Variants in CFAP74 observed in about 807,000 individuals in gnomAD.
CFAP74 encodes cilia and flagella associated protein 74.
Under a neutral mutation model 188.9 loss-of-function variants are expected in CFAP74, and 124 were observed. That is an observed-to-expected ratio of 0.66 (90% CI 0.57 to 0.76). CFAP74 has a LOEUF of 0.76. Among genes scored for constraint, CFAP74 ranks in the 30% least tolerant of loss-of-function variants. CFAP74 has a pLI of 0.00. For missense variants in CFAP74, 2,198 were observed against 2,165.2 expected (o/e 1.02, Z -0.30); for synonymous variants, 956 against 916.7 (o/e 1.04, Z -0.77).
chr1:1,938,114 T>C (rs979471903), intron 25 of CFAP74, among the ~76,000 whole-genome samples: 4 of 111,772 alleles, frequency 3.6e-5, no homozygotes, highest in African/African-American at 1.1e-4. Context: ...CCCACATACA[T>C]GCACTCACAT....
chr1:1,952,524 T>C (rs1442136468), intron 18 of CFAP74, among the ~76,000 whole-genome samples: 15 of 146,852 alleles, frequency 1.0e-4, no homozygotes, highest in Admixed American at 8.8e-4. Context: ...GTATAACACA[T>C]TGATGAGCAA....
intron 1 of CFAP74, among the ~76,000 whole-genome samples, chr1:1,993,956 T>C (rs565837922): frequency 1.7e-4 from 26 of 151,032 alleles, no homozygotes; most frequent in African/African-American, 6.1e-4. Context: ...CACTCCAGCC[T>C]GGGCGACAGA....
At chr1:1,924,050 G>T in intron 34 of CFAP74, 121 bp from the exon 35 acceptor site, 1 of 986,580 alleles carries the variant, frequency 1.0e-6, no homozygotes, top group Non-Finnish European at 1.4e-6. Context: ...TGTCCTGCCC[G>T]GTCCCCCCAA....
chr1:2,002,536 C>G (rs956838820), intron 1 of CFAP74, among the ~76,000 whole-genome samples: 1 of 151,086 alleles, frequency 6.6e-6, no homozygotes, highest in African/African-American at 2.4e-5. Context: ...CAAAAATTAG[C>G]CAGGCATGCT....
intron 12 of CFAP74, 28 bp from the exon 13 acceptor site, chr1:1,965,089 G>T: frequency 6.3e-7 from 1 of 1,598,926 alleles, no homozygotes; most frequent in Non-Finnish European, 8.5e-7. Flanking sequence ...AGAGGCTGGG[G>T]CTGTTAGCGG....
Position 1,924,512 on chromosome 1 carries a change from G to T in CFAP74, c.4113C>A (p.Asn1371Lys). Residue 1371 changes from asparagine to lysine, a missense_variant, in exon 34 of 39, where the codon AAC (asparagine) becomes AAA (lysine). Physicochemically the swap from Asn to Lys is moderately conservative, Grantham distance 94. Transcript: ENST00000682832. ...AGAACTTGATGGGGAGCAGAGAGTT[G>T]TTCTGCAGCTGCAGAGAGCAGGCCG... is the stretch of plus-strand genomic sequence containing the variant. ...ESVSSGFKLQ[N>K]NSLLPIKFSM... 1.2e-6 allele frequency: 2 copies of T among 1,605,262 alleles called. No homozygotes were observed. The highest frequency in any genetic ancestry group is 1.7e-6 in the Non-Finnish European group (2 of 1,176,792).
intron 25 of CFAP74, among the ~76,000 whole-genome samples, chr1:1,936,300 C>A (rs1323712289): frequency 6.6e-6 from 1 of 151,700 alleles, no homozygotes; most frequent in Non-Finnish European, 1.5e-5. Flanking sequence ...AATCCCAGCA[C>A]TTTGGGAGGC....
At chr1:1,946,030 G>A (rs1009361883) in intron 20 of CFAP74, among the ~76,000 whole-genome samples, 2 of 151,276 alleles carry the variant, frequency 1.3e-5, no homozygotes, top group Non-Finnish European at 2.9e-5. Context: ...GCGTGTGTAC[G>A]TGTGTGTGGG....
chr1:1,923,726 C>T lies in CFAP74; in HGVS notation c.4389+49G>A, dbSNP rs376247252. Reference sequence around the variant, plus strand: ...CAGTGCAGCCAAAGGCAAGGCCCTGCGTGGGGCCAGGGCCGGGCCGGGCTG... The same window carrying T: ...CAGTGCAGCCAAAGGCAAGGCCCTGTGTGGGGCCAGGGCCGGGCCGGGCTG... On this transcript the variant is annotated intron_variant, in intron 35 of 38. Coordinates refer to ENST00000682832, the MANE Select transcript of CFAP74 (RefSeq NM_001304360.2). This position sits in a 1 kb window ranked among gnomAD's most constrained non-coding sequence, Gnocchi z 6.3. The T allele has an allele frequency of 6.6e-5, 107 of 1,610,454 alleles. No individual in the cohort carries two copies. In the East Asian group the frequency reaches 1.6e-3, roughly 24 times the overall value.
Position 1,927,781 on chromosome 1 carries a change from G to A in CFAP74, c.3388-35C>T, listed in dbSNP as rs565419131. The A allele has an allele frequency of 9.7e-6, 15 of 1,543,100 alleles. No homozygotes were observed. The East Asian group carries it at 3.4e-4, about 35-fold the overall frequency. On this transcript the variant is annotated intron_variant, in intron 27 of 38. Transcript: ENST00000682832. ...GAGCGACTGGCTGTGGGGCTGTGCA[G>A]GGCCCTAAACACAGCCAGCTGTGCC... is the stretch of plus-strand genomic sequence containing the variant.
intron 25 of CFAP74, among the ~76,000 whole-genome samples, chr1:1,934,845 G>A (rs1429505925): frequency 2.0e-5 from 3 of 150,964 alleles, no homozygotes; most frequent in African/African-American, 7.3e-5. Context: ...GTGTACGTGG[G>A]TGTTAGGTTG....
At chr1:1,928,037 A>C in intron 27 of CFAP74, 1 of 450,906 alleles carries the variant, frequency 2.2e-6, no homozygotes, top group Non-Finnish European at 4.1e-6. Context: ...GCCTTCCCCT[A>C]TCTTCACCGC....
rs533765020 is a variant in CFAP74, at chr1:1,966,483, T to G, written c.1289A>C (p.Glu430Ala). 1.6e-5 allele frequency: 25 copies of G among 1,600,258 alleles called. No individual in the cohort carries two copies. In the South Asian group the frequency reaches 2.6e-4, roughly 16 times the overall value. Residue 430 changes from glutamate to alanine, a missense_variant, in exon 12 of 39, where the codon GAA becomes GCA. Glu to Ala is a moderately radical substitution (Grantham distance 107). Transcript: ENST00000682832. ...AAGPGPSRLL[E>A]VVSSELIQGD... ...CTGGATAAGCTCACTGGAAACGACT[T>G]CCAGCAACCGAGAGGGCCCGGGGCC...
At chr1:1,962,457 CA>C (rs1655158155) in intron 14 of CFAP74, among the ~76,000 whole-genome samples, 1 of 80,104 alleles carries the variant, frequency 1.2e-5, no homozygotes, top group African/African-American at 5.0e-5. Context: ...GCCTGGGCAA[CA>C]AGAGTGAAAC....
chr1:1,968,151 G>C lies in CFAP74; in HGVS notation c.1245+484C>G, dbSNP rs1014795572. ...GTGAGTGAATGAATGAAGAAAGAAT[G>C]AGTGAGTGAACGAATAAAGGATGAG... On this transcript the variant is annotated intron_variant, in intron 11 of 38. Transcript: ENST00000682832. The surrounding 1 kb of genome is among the most constrained non-coding windows in gnomAD (Gnocchi z 4.3). Among the ~76,000 whole-genome samples, 1 of 152,162 alleles carries C rather than the reference G, an allele frequency of 6.6e-6. No homozygotes were observed. Among genetic ancestry groups the C allele is most frequent in the East Asian group, 1.9e-4 (1 of 5,196 alleles).
intron 1 of CFAP74, among the ~76,000 whole-genome samples, chr1:1,999,583 G>A (rs1226441301): frequency 2.0e-5 from 3 of 152,112 alleles, no homozygotes; most frequent in Admixed American, 2.0e-4. Flanking sequence ...TTGGGAGGCC[G>A]AGGCAGGTGG....
At chr1:1,989,473 T>C (rs1289618503) in intron 2 of CFAP74, among the ~76,000 whole-genome samples, 1 of 152,086 alleles carries the variant, frequency 6.6e-6, no homozygotes, top group African/African-American at 2.4e-5. Flanking sequence ...TTCGGCGTAG[T>C]CATGAACCTG....
rs1196867283 is a variant in CFAP74 at position 1,975,015 on chromosome 1, G to C, written c.501-817C>G. ...CAGAGATGCGGCTCAGGCCGGGGCT[G>C]GCCACGCGAGGATCAGAACCCTGGA... On this transcript the variant is annotated intron_variant, in intron 6 of 38. Coordinates refer to ENST00000682832, the MANE Select transcript of CFAP74 (RefSeq NM_001304360.2). This position sits in a 1 kb window ranked among gnomAD's most constrained non-coding sequence, Gnocchi z 4.5. Among the ~76,000 whole-genome samples, 2 of 152,252 alleles carry C rather than the reference G, an allele frequency of 1.3e-5. No homozygotes were observed. Among genetic ancestry groups the C allele is most frequent in the Non-Finnish European group, 2.9e-5 (2 of 68,044 alleles).
Position 1,968,548 on chromosome 1 carries a change from A to C in CFAP74, c.1245+87T>G. On this transcript the variant is annotated intron_variant, in intron 11 of 38. Transcript: ENST00000682832. The surrounding 1 kb of genome is among the most constrained non-coding windows in gnomAD (Gnocchi z 4.3). ...GTGGCCATGGTGCTGAGGTCCTCAG[A>C]GGATGTCTCACCACACCTGAGCCCT... 1 of 1,171,266 alleles carries C rather than the reference A, an allele frequency of 8.5e-7. No homozygotes were observed. Among genetic ancestry groups the C allele is most frequent in the Non-Finnish European group, 1.2e-6 (1 of 801,654 alleles). The allele number at this position is 1,171,266 out of a possible 1,614,324, so 72.6% of individuals were successfully genotyped here. A position where few individuals can be genotyped will look rare whatever the true frequency, so the allele number is the denominator to read the frequency against.
Sources: gnomAD v4.1 joint callset for allele counts (sites outside exome capture counted in the v4.1 genomes callset) on GRCh38, gnomAD v4.1.1 for gene constraint, Gnocchi (gnomAD v3.1) non-coding constraint, MANE v1.5 for transcripts, NCBI Gene and HGNC (gene_info 2026-07-23, HGNC 2026-07-21) for gene names.